The following TTC23L variants were observed in gnomAD, a reference collection of about 807,000 sequenced individuals.
The protein encoded by TTC23L is tetratricopeptide repeat protein 23-like.
TTC23L carries 42 observed loss-of-function variants against 48.1 expected under a neutral mutation model. The observed-to-expected ratio is 0.87, with a 90% CI of 0.68 to 1.13. The LOEUF (loss-of-function observed/expected upper bound fraction) is 1.13, where lower values mean the gene tolerates loss of function less well. Among genes scored for constraint, TTC23L ranks in the 50% most tolerant of loss-of-function variants. The probability of loss-of-function intolerance (pLI) is 0.00; values close to 1 mark genes in which losing one functional copy is unlikely to be tolerated. For missense variants in TTC23L, 391 were observed against 421.0 expected, an observed-to-expected ratio of 0.93 and a Z score of 0.62; for synonymous variants, 159 against 157.2, an observed-to-expected ratio of 1.01 and a Z score of -0.09.
chr5:34,911,482 T>A, the TTC23L span: 45 of 1,530,556 alleles, frequency 2.9e-5, 1 homozygote, highest in Non-Finnish European at 2.9e-5. Context: ...AAATTTTGCA[T>A]CCTAAGCAAA....
At chr5:34,886,136 T>C (rs116740805) in intron 9 of TTC23L, among the ~76,000 whole-genome samples, 1,621 of 152,282 alleles carry the variant, frequency 0.011, 10 homozygotes, top group African/African-American at 0.014. Context: ...AAAATGAGTA[T>C]AATAACAGTT....
At chr5:34,889,744 T>C (rs560607155) in intron 9 of TTC23L, among the ~76,000 whole-genome samples, 13 of 152,204 alleles carry the variant, frequency 8.5e-5, no homozygotes, top group Non-Finnish European at 1.2e-4. Flanking sequence ...ATAACTATAA[T>C]GTAGAAGTTT....
chr5:34,922,321 AT>A, the TTC23L span: 96 of 1,289,524 alleles, frequency 7.4e-5, no homozygotes, highest in African/African-American at 1.3e-3. Flanking sequence ...GGTTAAACTC[AT>A]TTAAGTGGAT....
exon 4 of TTC23L, chr5:34,850,262 T>G: frequency 6.2e-7 from 1 of 1,613,946 alleles, no homozygotes; most frequent in East Asian, 2.2e-5. Context: ...ACTGGAAATG[T>G]GCACGAGCTC....
At chr5:34,846,655 ATATATGTGTG>A (rs1340799323) in intron 3 of TTC23L, among the ~76,000 whole-genome samples, 86 of 93,694 alleles carry the variant, frequency 9.2e-4, no homozygotes, top group African/African-American at 3.0e-3. Flanking sequence ...ATACAAATAC[ATATATGTGTG>A]TATGTGTGTG....
chr5:34,867,095 C>G lies in TTC23L; in HGVS notation c.840+26C>G, dbSNP rs550030976. 61 of 1,597,666 alleles carry G rather than the reference C, an allele frequency of 3.8e-5. No homozygotes were observed. In the South Asian group the frequency reaches 6.0e-4, roughly 16 times the overall value. On this transcript the variant is annotated intron_variant, in intron 7 of 10. Transcript: ENST00000505624. ...GTCAGTGGGTTGGCCAGAGCCCAGGCTGGGTTGCCTTGTTTGGCCCCAGGC... is the reference window on the plus strand; with the variant it reads ...GTCAGTGGGTTGGCCAGAGCCCAGGGTGGGTTGCCTTGTTTGGCCCCAGGC...
chr5:34,900,473 C>A (rs1047882231), downstream of TTC23L, among the ~76,000 whole-genome samples: 2 of 151,192 alleles, frequency 1.3e-5, no homozygotes, highest in Non-Finnish European at 2.9e-5. Context: ...TGCACTCCAG[C>A]CTGGATGAGA....
chr5:34,925,079 G>A, the TTC23L span: 1 of 1,484,458 alleles, frequency 6.7e-7, no homozygotes, highest in Non-Finnish European at 9.0e-7. Flanking sequence ...ACTGAATTTG[G>A]TTTTTGCTGC....
At chr5:34,920,290 C>T in the TTC23L span, 181 of 152,940 alleles carry the variant, frequency 1.2e-3, no homozygotes, top group African/African-American at 4.2e-3. Flanking sequence ...TTGTGTGGAA[C>T]TGGCTATTAA....
the TTC23L span, chr5:34,909,315 T>C: frequency 1.2e-4 from 197 of 1,611,654 alleles, no homozygotes; most frequent in African/African-American, 2.3e-3. Flanking sequence ...ATCTTTGGGA[T>C]AGTCAAGGTG....
chr5:34,911,870 C>G, the TTC23L span: 2 of 1,553,250 alleles, frequency 1.3e-6, no homozygotes, highest in Non-Finnish European at 1.7e-6. Flanking sequence ...TTCAGCTTCT[C>G]CTCGAAATGA....
chr5:34,922,105 A>G, the TTC23L span: 3 of 575,142 alleles, frequency 5.2e-6, no homozygotes, highest in Admixed American at 3.3e-5. Flanking sequence ...TTTGTAGCCT[A>G]TTAGCCTGGT....
the TTC23L span, chr5:34,911,857 G>A: frequency 6.3e-7 from 1 of 1,580,988 alleles, no homozygotes; most frequent in Non-Finnish European, 8.6e-7. Flanking sequence ...TTATAGTTCT[G>A]GGTTCAGCTT....
chr5:34,894,746 C>T (rs1207362386), intron 9 of TTC23L, among the ~76,000 whole-genome samples: 2 of 152,268 alleles, frequency 1.3e-5, no homozygotes, highest in Non-Finnish European at 2.9e-5. Flanking sequence ...TCAGTTTCCT[C>T]ATCCATAAAA....
chr5:34,897,115 G>A (rs1763273706), intron 10 of TTC23L, among the ~76,000 whole-genome samples: 1 of 152,120 alleles, frequency 6.6e-6, no homozygotes, highest in Non-Finnish European at 1.5e-5. Context: ...GCTGGGTGCT[G>A]TAGCTCATGC....
At chr5:34,882,034 G>A (rs1320134597) in intron 9 of TTC23L, among the ~76,000 whole-genome samples, 2 of 152,116 alleles carry the variant, frequency 1.3e-5, no homozygotes, top group African/African-American at 2.4e-5. Flanking sequence ...GATTAGAGGC[G>A]TGAGCCACAG....
downstream of TTC23L, among the ~76,000 whole-genome samples, chr5:34,901,992 C>T (rs886906976): frequency 2.6e-5 from 4 of 152,154 alleles, no homozygotes; most frequent in African/African-American, 7.2e-5. Flanking sequence ...GTATATCTAG[C>T]GAAAGAATTT....
chr5:34,914,299 G>A, the TTC23L span, among the ~76,000 whole-genome samples: 8,195 of 152,220 alleles, frequency 0.054, 315 homozygotes, highest in South Asian at 0.11. Flanking sequence ...TGGGACTGTT[G>A]GCAAATCACT....
intron 4 of TTC23L, among the ~76,000 whole-genome samples, chr5:34,860,586 T>C (rs1351824752): frequency 1.3e-5 from 2 of 152,152 alleles, no homozygotes; most frequent in Non-Finnish European, 2.9e-5. Context: ...AGGGTGCTTA[T>C]AATGCACAGT....
Sources: allele counts gnomAD v4.1 joint callset (sites outside exome capture counted in the v4.1 genomes callset), GRCh38; gene constraint gnomAD v4.1.1; transcripts MANE v1.5; gene names NCBI Gene and HGNC (gene_info 2026-07-23, HGNC 2026-07-21).